The following GRIA1 variants were observed in gnomAD, a reference collection of about 807,000 sequenced individuals.
GRIA1 encodes glutamate ionotropic receptor AMPA type subunit 1, also known as glutamate receptor 1.
A neutral mutation model predicts 99.2 loss-of-function variants in GRIA1; 31 were observed. The observed-to-expected ratio is 0.31, with a 90% CI of 0.23 to 0.42. GRIA1 has a LOEUF of 0.42. Ranked by LOEUF, GRIA1 falls within the 10% of genes least tolerant of loss-of-function variation. The pLI is 1.00. For missense variants in GRIA1, 782 were observed against 1,157.5 expected, an observed-to-expected ratio of 0.68 and a Z score of 4.71; for synonymous variants, 438 against 432.4, an observed-to-expected ratio of 1.01 and a Z score of -0.16.
intron 2 of GRIA1, among the ~76,000 whole-genome samples, chr5:153,643,519 C>T (rs1418765434): frequency 6.6e-6 from 1 of 152,214 alleles, no homozygotes; most frequent in East Asian, 1.9e-4. Flanking sequence ...ACTGCCTTCT[C>T]CCACAGGCCT....
intron 2 of GRIA1, among the ~76,000 whole-genome samples, chr5:153,578,176 A>G (rs1413561006): frequency 6.7e-6 from 1 of 149,294 alleles, no homozygotes; most frequent in East Asian, 2.0e-4. Flanking sequence ...AAAAAAAAGA[A>G]AGAAAGAAGA....
At chr5:153,602,828 ACT>A (rs779453541) in intron 2 of GRIA1, among the ~76,000 whole-genome samples, 40 of 152,098 alleles carry the variant, frequency 2.6e-4, no homozygotes, top group Non-Finnish European at 5.3e-4. Context: ...TTGAACATCC[ACT>A]GTTTGGCCAG....
intron 11 of GRIA1, among the ~76,000 whole-genome samples, chr5:153,727,763 G>C (rs2149552212): frequency 6.6e-6 from 1 of 152,214 alleles, no homozygotes; most frequent in Admixed American, 6.5e-5. Flanking sequence ...AACATTCCAT[G>C]CTCATGGGTA....
intron 2 of GRIA1, among the ~76,000 whole-genome samples, chr5:153,591,969 T>G (rs1764011426): frequency 6.6e-6 from 1 of 152,104 alleles, no homozygotes; most frequent in Non-Finnish European, 1.5e-5. Context: ...CCTTTTAGTG[T>G]GTGAGGAGGG....
At chr5:153,494,900 C>T (rs1246833700) in intron 2 of GRIA1, among the ~76,000 whole-genome samples, 1 of 152,110 alleles carries the variant, frequency 6.6e-6, no homozygotes, top group African/African-American at 2.4e-5. Context: ...TTCACAAGAA[C>T]AATTTGAGAC....
rs183085882 is a variant in GRIA1 at position 153,569,107 on chromosome 5, G to C, written c.220+75042G>C. Among the ~76,000 whole-genome samples the C allele has an allele frequency of 3.3e-5, 5 of 152,276 alleles. No homozygotes were observed. In the East Asian group the frequency reaches 9.6e-4, roughly 29 times the overall value. On this transcript the variant is annotated intron_variant, in intron 2 of 15. Transcript: ENST00000285900. Reference sequence around the variant, plus strand: ...CATTATAATTTCAGGCACAAGCACAGGTCTTCATAACTAAATTGTAGTTCA... The same window carrying C: ...CATTATAATTTCAGGCACAAGCACACGTCTTCATAACTAAATTGTAGTTCA...
chr5:153,532,377 C>A (rs1325467923), intron 2 of GRIA1, among the ~76,000 whole-genome samples: 9 of 152,194 alleles, frequency 5.9e-5, no homozygotes, highest in Non-Finnish European at 1.2e-4. Context: ...ACCTCACACT[C>A]ACTCCTTGTT....
chr5:153,609,620 G>A (rs1379471703), intron 2 of GRIA1, among the ~76,000 whole-genome samples: 2 of 134,018 alleles, frequency 1.5e-5, no homozygotes, highest in South Asian at 2.4e-4. Flanking sequence ...CTGGAGTGCA[G>A]TGGAGCAATC....
intron 1 of GRIA1, chr5:153,492,294 G>T (rs771606029): frequency 7.8e-6 from 12 of 1,535,354 alleles, no homozygotes; most frequent in Non-Finnish European, 1.0e-5. Context: ...CACCTGTTAA[G>T]CTACATCCTG....
intron 13 of GRIA1, among the ~76,000 whole-genome samples, 154 bp downstream of exon 13, chr5:153,770,569 C>T (rs568201246): frequency 8.5e-5 from 13 of 152,124 alleles, no homozygotes; most frequent in Non-Finnish European, 1.8e-4. Flanking sequence ...TTCCAGCCAC[C>T]CAAGATCTTC....
chr5:153,758,143 A>G (rs2149599191), intron 11 of GRIA1, among the ~76,000 whole-genome samples: 1 of 152,184 alleles, frequency 6.6e-6, no homozygotes, highest in South Asian at 2.1e-4. Flanking sequence ...GAAAGAACAG[A>G]ATTAAAGAAT....
At chr5:153,568,574 T>C (rs1761856874) in intron 2 of GRIA1, among the ~76,000 whole-genome samples, 1 of 152,202 alleles carries the variant, frequency 6.6e-6, no homozygotes, top group Admixed American at 6.5e-5. Flanking sequence ...ACATCTTTTT[T>C]ATTCCTTTCT....
At chr5:153,726,293 G>T (rs556287138) in intron 11 of GRIA1, among the ~76,000 whole-genome samples, 145 of 148,564 alleles carry the variant, frequency 9.8e-4, no homozygotes, top group African/African-American at 3.4e-3. Flanking sequence ...ATGCAGGAAA[G>T]ATCCAAACTT....
intron 10 of GRIA1, among the ~76,000 whole-genome samples, 187 bp downstream of exon 10, chr5:153,699,260 C>T (rs1581493304): frequency 6.6e-6 from 1 of 152,264 alleles, no homozygotes; most frequent in East Asian, 1.9e-4. Context: ...GTTACTGGTC[C>T]CAGGTCCCTC....
intron 2 of GRIA1, among the ~76,000 whole-genome samples, chr5:153,596,675 G>C (rs1222010629): frequency 6.6e-6 from 1 of 151,524 alleles, no homozygotes; most frequent in Non-Finnish European, 1.5e-5. Context: ...GAGAGATGGA[G>C]ACTCTAAAAA....
chr5:153,508,224 A>G (rs930129148), intron 2 of GRIA1, among the ~76,000 whole-genome samples: 1 of 152,212 alleles, frequency 6.6e-6, no homozygotes, highest in African/African-American at 2.4e-5. Flanking sequence ...GTTGCAATCC[A>G]TAGAACTTTC....
intron 8 of GRIA1, among the ~76,000 whole-genome samples, chr5:153,691,116 G>C (rs17523047): frequency 0.093 from 14,193 of 152,116 alleles, 806 homozygotes; most frequent in Non-Finnish European, 0.12. Flanking sequence ...CTGAAATGTG[G>C]GTGTTCTAAG....
At chr5:153,556,121 A>C (rs1201916371) in intron 2 of GRIA1, among the ~76,000 whole-genome samples, 1 of 152,198 alleles carries the variant, frequency 6.6e-6, no homozygotes, top group African/African-American at 2.4e-5. Context: ...GTTCATGGTG[A>C]AATGAGTAGT....
At chr5:153,640,821 G>A (rs1753730029) in intron 2 of GRIA1, among the ~76,000 whole-genome samples, 1 of 151,996 alleles carries the variant, frequency 6.6e-6, no homozygotes. Context: ...AATATCTGTT[G>A]AATTTACTAA....
Sources: allele counts gnomAD v4.1 joint callset (sites outside exome capture counted in the v4.1 genomes callset), GRCh38; gene constraint gnomAD v4.1.1; transcripts MANE v1.5; gene names NCBI Gene and HGNC (gene_info 2026-07-23, HGNC 2026-07-21).